The following USP13 variants were observed in gnomAD, a reference collection of about 807,000 sequenced individuals.
USP13 encodes the protein ubiquitin carboxyl-terminal hydrolase 13.
In USP13, 68 loss-of-function variants were observed where a neutral mutation model predicts 107.8. That is an observed-to-expected ratio of 0.63 (90% confidence interval 0.52 to 0.77). The LOEUF is 0.77. Among genes scored for constraint, USP13 ranks in the 30% least tolerant of loss-of-function variants. USP13 has a pLI of 0.00. For synonymous variants in USP13, 377 were observed against 389.5 expected, an observed-to-expected ratio of 0.97 and a Z score of 0.38; for missense variants, 945 against 1,093.3, an observed-to-expected ratio of 0.86 and a Z score of 1.91.
chr3:179,749,615 A>G (rs1472436960), intron 13 of USP13, among the ~76,000 whole-genome samples: 1 of 152,196 alleles, frequency 6.6e-6, no homozygotes, highest in East Asian at 1.9e-4. Context: ...TTGAGACCCT[A>G]TAGAGATTAC....
chr3:179,779,112 G>A (rs1199276796), intron 19 of USP13, among the ~76,000 whole-genome samples: 1 of 152,134 alleles, frequency 6.6e-6, no homozygotes, highest in Non-Finnish European at 1.5e-5. Flanking sequence ...GAGTAAGGGG[G>A]ATGAGGAGAG....
chr3:179,745,203 G>A lies in USP13; in HGVS notation c.1695G>A (p.Lys565=), dbSNP rs1367209449. The change falls in exon 13 of 21, where the codon AAG becomes AAA. Residue 565 remains lysine (K), a synonymous_variant. Coordinates refer to ENST00000263966, the MANE Select transcript of USP13 (RefSeq NM_003940.3). ...DDFWSSALQA[K]SAGVKTSRFA... ...TCTGGAGCAGTGCCCTACAAGCAAA[G>A]TCTGCGGGTGTGAAGTAAGTGTGTG... is the stretch of plus-strand genomic sequence containing the variant. 1 of 1,613,098 alleles carries A rather than the reference G, an allele frequency of 6.2e-7. No individual in the cohort carries two copies. Among genetic ancestry groups the A allele is most frequent in the Non-Finnish European group, 8.5e-7 (1 of 1,179,702 alleles).
chr3:179,737,074 C>T (rs1041489346), intron 10 of USP13, among the ~76,000 whole-genome samples: 6 of 152,162 alleles, frequency 3.9e-5, no homozygotes, highest in Non-Finnish European at 7.3e-5. Flanking sequence ...GTGATGTTGG[C>T]CCTAGAGTTG....
rs116487824 is a variant in USP13 at position 179,739,235 on chromosome 3, G to C, written c.1255-1012G>C. ...GGGGCATTTGGCTGCCTTCTGAGCT[G>C]TCCTGCTGGTCCCCCACGAAATCCA... is the stretch of plus-strand genomic sequence containing the variant. On this transcript the variant is annotated intron_variant, in intron 10 of 20. Coordinates refer to ENST00000263966, the MANE Select transcript of USP13 (RefSeq NM_003940.3). Among the ~76,000 whole-genome samples the C allele has an allele frequency of 6.7e-3, 1,025 of 152,312 alleles. 21 individuals carry two copies. The highest frequency in any genetic ancestry group is 0.023 in the African/African-American group (975 of 41,568).
intron 1 of USP13, among the ~76,000 whole-genome samples, chr3:179,669,979 T>G (rs898244368): frequency 6.6e-6 from 1 of 152,048 alleles, no homozygotes; most frequent in African/African-American, 2.4e-5. Flanking sequence ...CCAGGCTTCC[T>G]TGAGCTGACC....
At chr3:179,716,115 G>T (rs1219257426) in intron 6 of USP13, among the ~76,000 whole-genome samples, 2 of 151,136 alleles carry the variant, frequency 1.3e-5, no homozygotes, top group African/African-American at 4.9e-5. Context: ...GTAGAGACGG[G>T]GTTTCTTCAT....
chr3:179,708,563 G>T (rs985507233), intron 5 of USP13, among the ~76,000 whole-genome samples: 3 of 152,088 alleles, frequency 2.0e-5, no homozygotes, highest in East Asian at 1.9e-4. Context: ...TGATGTGCCC[G>T]CCTCGGCCTC....
chr3:179,722,723 T>C (rs1713368648), intron 8 of USP13, among the ~76,000 whole-genome samples: 1 of 152,224 alleles, frequency 6.6e-6, no homozygotes, highest in Admixed American at 6.5e-5. Flanking sequence ...TGCTATCAAA[T>C]ACTAGATCTT....
rs758216965 is a variant in USP13 at position 179,700,992 on chromosome 3, T to G, written c.356-16T>G. On this transcript the variant is annotated splice_polypyrimidine_tract_variant and intron_variant, in intron 3 of 20. Transcript: ENST00000263966. Reference sequence around the variant, plus strand: ...TTTTCCTCACTTCTTGTTCTTTGTTTTTGTTTTCTCCTCAGATCTAGATAC... The same window carrying G: ...TTTTCCTCACTTCTTGTTCTTTGTTGTTGTTTTCTCCTCAGATCTAGATAC... The G allele has an allele frequency of 1.2e-6, 2 of 1,607,962 alleles. No homozygotes were observed. The highest frequency in any genetic ancestry group is 8.5e-7 in the Non-Finnish European group (1 of 1,178,098).
At chr3:179,774,713 C>A (rs564385701) in intron 19 of USP13, among the ~76,000 whole-genome samples, 1 of 152,298 alleles carries the variant, frequency 6.6e-6, no homozygotes, top group East Asian at 1.9e-4. Flanking sequence ...GAAGGGGACC[C>A]AAGCAGGTTG....
At chr3:179,702,234 T>A (rs1712558737) in intron 4 of USP13, among the ~76,000 whole-genome samples, 1 of 152,162 alleles carries the variant, frequency 6.6e-6, no homozygotes, top group Admixed American at 6.5e-5. Flanking sequence ...TTAGCCAGGA[T>A]GGTCTCGATC....
At chr3:179,741,834 A>G (rs188418195) in intron 11 of USP13, among the ~76,000 whole-genome samples, 1 of 152,328 alleles carries the variant, frequency 6.6e-6, no homozygotes, top group East Asian at 1.9e-4. Flanking sequence ...GAGTGTATTT[A>G]TATAATCATA....
At chr3:179,693,647 A>G (rs1712185891) in intron 3 of USP13, among the ~76,000 whole-genome samples, 1 of 152,094 alleles carries the variant, frequency 6.6e-6, no homozygotes, top group Non-Finnish European at 1.5e-5. Context: ...GTAACGGTAA[A>G]TTTAAAACAC....
Position 179,726,248 on chromosome 3 carries a change from G to A in USP13, c.1089-3941G>A, listed in dbSNP as rs112467845. Among the ~76,000 whole-genome samples the A allele has an allele frequency of 6.8e-3, 1,043 of 152,294 alleles. 11 individuals carry two copies. Among genetic ancestry groups the A allele is most frequent in the African/African-American group, 0.017 (692 of 41,562 alleles). On this transcript the variant is annotated intron_variant, in intron 8 of 20. Coordinates refer to ENST00000263966, the MANE Select transcript of USP13 (RefSeq NM_003940.3). ...AGCAGAAGGCATGACCTTGAGACAT[G>A]AGCAAGTCTGTCATGCCCTGGGGCA...
At chr3:179,755,831 G>T (rs1001298340) in intron 15 of USP13, among the ~76,000 whole-genome samples, 1 of 152,186 alleles carries the variant, frequency 6.6e-6, no homozygotes, top group African/African-American at 2.4e-5. Context: ...CATCAGTTAA[G>T]CAGTGAAGGT....
chr3:179,669,192 G>A (rs1720672189), intron 1 of USP13, among the ~76,000 whole-genome samples: 1 of 152,202 alleles, frequency 6.6e-6, no homozygotes, highest in Admixed American at 6.5e-5. Flanking sequence ...TGGGCGCGGT[G>A]GCTCACGCCT....
chr3:179,710,296 C>T (rs1206455025), intron 6 of USP13, among the ~76,000 whole-genome samples: 1 of 152,178 alleles, frequency 6.6e-6, no homozygotes, highest in Non-Finnish European at 1.5e-5. Flanking sequence ...AATGACTTTT[C>T]TCTAAGCCCT....
chr3:179,669,583 G>A (rs1474830712), intron 1 of USP13, among the ~76,000 whole-genome samples: 1 of 152,064 alleles, frequency 6.6e-6, no homozygotes, highest in Middle Eastern at 3.2e-3. Context: ...GCCACCATCT[G>A]GCCTTGTTTA....
At position 179,690,293 on chromosome 3, in the gene USP13, T is replaced by A. The variant is rs1426938381; in HGVS notation, c.347T>A (p.Ile116Asn). Residue 116 changes from isoleucine (I) to asparagine (N), a missense_variant, in exon 3 of 21, where the codon ATT becomes AAT. Ile to Asn is a moderately radical substitution (Grantham distance 149, BLOSUM62 -3). Transcript: ENST00000263966. Reference sequence around the variant, plus strand: ...TTACCAAAAAGGAGGAATTCCAAGATTTTTTTAGGTAAATAGTTATCAGTA... The same window carrying A: ...TTACCAAAAAGGAGGAATTCCAAGAATTTTTTAGGTAAATAGTTATCAGTA... ...GALPKRRNSK[I>N]FLDLDTDDDL... The A allele has an allele frequency of 1.2e-6, 2 of 1,613,428 alleles. No individual in the cohort carries two copies. Among genetic ancestry groups the A allele is most frequent in the East Asian group, 4.5e-5 (2 of 44,862 alleles).
Sources: gnomAD v4.1 joint callset for allele counts (sites outside exome capture counted in the v4.1 genomes callset) on GRCh38, gnomAD v4.1.1 for gene constraint, MANE v1.5 for transcripts, NCBI Gene and HGNC (gene_info 2026-07-23, HGNC 2026-07-21) for gene names.